MATN2: variants seen among roughly 807,000 people sequenced by gnomAD.
The protein encoded by MATN2 is matrilin 2.
MATN2 carries 69 observed loss-of-function variants against 103.2 expected under a neutral mutation model. The observed-to-expected ratio is 0.67, with a 90% CI of 0.55 to 0.82. The LOEUF (loss-of-function observed/expected upper bound fraction) is 0.82, where lower values mean the gene tolerates loss of function less well. MATN2 is among the 40% of genes least tolerant of loss of function. MATN2 has a pLI of 0.00. For missense variants in MATN2, 1,023 were observed against 1,211.5 expected, an observed-to-expected ratio of 0.84 and a Z score of 2.31; for synonymous variants, 429 against 450.2, an observed-to-expected ratio of 0.95 and a Z score of 0.60.
intron 3 of MATN2, among the ~76,000 whole-genome samples, chr8:97,936,688 G>C (rs1810377443): frequency 6.6e-6 from 1 of 152,206 alleles, no homozygotes; most frequent in Non-Finnish European, 1.5e-5. Flanking sequence ...CCTTGGCTGA[G>C]TGTAAACCCA....
rs1586151021 is a variant in MATN2, at chr8:98,007,645, G to A, written c.1573+44G>A. On this transcript the variant is annotated intron_variant, in intron 10 of 18. Transcript: ENST00000254898. The surrounding 1 kb of genome is among the most constrained non-coding windows in gnomAD (Gnocchi z 4.2). ...AGCAGGACCTGCACAGGTGTTCCGT[G>A]GGTGCCGGTGTGGGTGCGCTGCCGA... 2 of 1,581,074 alleles carry A rather than the reference G, an allele frequency of 1.3e-6. No homozygotes were observed. Among genetic ancestry groups the A allele is most frequent in the Non-Finnish European group, 1.7e-6 (2 of 1,156,118 alleles).
At chr8:97,895,651 C>T (rs1314466391) in intron 2 of MATN2, among the ~76,000 whole-genome samples, 2 of 152,228 alleles carry the variant, frequency 1.3e-5, no homozygotes, top group Non-Finnish European at 2.9e-5. Flanking sequence ...TACTACTAGA[C>T]TGTCTCTTCA....
At chr8:97,951,351 A>C (rs534200940) in intron 4 of MATN2, among the ~76,000 whole-genome samples, 2 of 152,300 alleles carry the variant, frequency 1.3e-5, no homozygotes, top group South Asian at 4.1e-4. Flanking sequence ...AAAAATGTAC[A>C]TATCAGGGGA....
chr8:97,885,884 C>G (rs72675229), intron 1 of MATN2, among the ~76,000 whole-genome samples: 9,090 of 152,250 alleles, frequency 0.06, 299 homozygotes, highest in African/African-American at 0.089. Context: ...CAACCCCCAC[C>G]CGGAATTAGT....
At chr8:97,909,815 G>A (rs1819303067) in intron 2 of MATN2, among the ~76,000 whole-genome samples, 1 of 150,644 alleles carries the variant, frequency 6.6e-6, no homozygotes, top group Non-Finnish European at 1.5e-5. Flanking sequence ...ACGGAGTCTC[G>A]CTCTGTCGCC....
At chr8:97,893,528 C>G (rs1586384961) in intron 2 of MATN2, among the ~76,000 whole-genome samples, 1 of 152,000 alleles carries the variant, frequency 6.6e-6, no homozygotes, top group Non-Finnish European at 1.5e-5. Context: ...TTTTGGAAAC[C>G]TTAACCCTCC....
intron 2 of MATN2, among the ~76,000 whole-genome samples, chr8:97,924,016 C>A (rs1809902581): frequency 6.6e-6 from 1 of 152,228 alleles, no homozygotes; most frequent in Non-Finnish European, 1.5e-5. Flanking sequence ...GTTAATTGAT[C>A]CTGCTATTTT....
intron 2 of MATN2, among the ~76,000 whole-genome samples, chr8:97,900,867 G>A (rs977960864): frequency 1.3e-5 from 2 of 152,066 alleles, no homozygotes; most frequent in African/African-American, 4.8e-5. Context: ...CCCAGAAGGC[G>A]GAGCTTGCAG....
chr8:98,000,596 C>CAAAAAAAAAAAAAAAAAAAAAAA (rs67682756), intron 7 of MATN2, among the ~76,000 whole-genome samples: 6 of 49,652 alleles, frequency 1.2e-4, no homozygotes, highest in African/African-American at 2.5e-4. Context: ...GACTCCGTCT[C>CAAAAAAAAAAAAAAAAAAAAAAA]AAAAAAAAAA....
At chr8:97,873,889 A>G (rs1393586910) in intron 1 of MATN2, among the ~76,000 whole-genome samples, 3 of 152,118 alleles carry the variant, frequency 2.0e-5, no homozygotes, top group African/African-American at 7.2e-5. Flanking sequence ...CAGCCTCTCA[A>G]AGTACTGAGA....
At chr8:97,889,201 G>C (rs1818543281) in intron 2 of MATN2, among the ~76,000 whole-genome samples, 1 of 151,874 alleles carries the variant, frequency 6.6e-6, no homozygotes, top group Non-Finnish European at 1.5e-5. Flanking sequence ...TAGCCTCAGT[G>C]GCATCCGAAA....
chr8:97,964,922 T>G (rs767561158), intron 5 of MATN2, among the ~76,000 whole-genome samples: 20 of 151,994 alleles, frequency 1.3e-4, no homozygotes, highest in Non-Finnish European at 2.4e-4. Flanking sequence ...TTGGTAGAGA[T>G]GGGGTCTTGC....
intron 10 of MATN2, among the ~76,000 whole-genome samples, chr8:98,016,329 C>T (rs1247698569): frequency 3.3e-5 from 5 of 152,094 alleles, no homozygotes; most frequent in East Asian, 1.9e-4. Flanking sequence ...GTTGAGATCA[C>T]GCCACCACAC....
At chr8:98,029,959 C>G (rs1252731917) in intron 14 of MATN2, among the ~76,000 whole-genome samples, 2 of 152,194 alleles carry the variant, frequency 1.3e-5, no homozygotes, top group East Asian at 1.9e-4. Context: ...TCCTTTTCAG[C>G]TTAGCACTTC....
intron 1 of MATN2, among the ~76,000 whole-genome samples, chr8:97,877,193 G>C (rs887851839): frequency 6.6e-6 from 1 of 151,520 alleles, no homozygotes; most frequent in African/African-American, 2.4e-5. Flanking sequence ...AATTTTTTGG[G>C]GGGGCCAGGC....
At chr8:98,002,624 G>A (rs1044158101) in intron 7 of MATN2, among the ~76,000 whole-genome samples, 7 of 152,042 alleles carry the variant, frequency 4.6e-5, no homozygotes, top group Admixed American at 1.3e-4. Context: ...CAGCTCTTTG[G>A]CCACTGACTC....
chr8:97,925,198 T>C (rs1809952137), intron 2 of MATN2, among the ~76,000 whole-genome samples: 1 of 152,140 alleles, frequency 6.6e-6, no homozygotes, highest in Admixed American at 6.5e-5. Context: ...TTGTCTTATT[T>C]GAACACAGTT....
At chr8:97,904,175 A>G (rs1235510691) in intron 2 of MATN2, among the ~76,000 whole-genome samples, 1 of 152,242 alleles carries the variant, frequency 6.6e-6, no homozygotes, top group African/African-American at 2.4e-5. Context: ...TAAAGTAGGT[A>G]TTAGCTATTC....
At chr8:97,955,548 A>G (rs902223836) in intron 4 of MATN2, among the ~76,000 whole-genome samples, 3 of 152,214 alleles carry the variant, frequency 2.0e-5, no homozygotes, top group Non-Finnish European at 4.4e-5. Context: ...CAGCTGTCCC[A>G]TTTCTGCCCA....
Sources: allele counts gnomAD v4.1 joint callset (sites outside exome capture counted in the v4.1 genomes callset), GRCh38; gene constraint gnomAD v4.1.1; non-coding constraint Gnocchi (gnomAD v3.1); transcripts MANE v1.5; gene names NCBI Gene and HGNC (gene_info 2026-07-23, HGNC 2026-07-21).